The following FA2H variants were observed in gnomAD, a reference collection of about 807,000 sequenced individuals.
FA2H encodes the protein fatty acid alpha-hydroxylase.
A neutral mutation model predicts 44.9 loss-of-function variants in FA2H; 22 were observed. The observed-to-expected ratio is 0.49, with a 90% CI of 0.35 to 0.70. FA2H has a LOEUF of 0.70. Among genes scored for constraint, FA2H ranks in the 30% least tolerant of loss-of-function variants. FA2H has a pLI of 0.01. For missense variants in FA2H, 501 were observed against 504.9 expected (o/e 0.99, Z 0.07); for synonymous variants, 243 against 213.2 (o/e 1.14, Z -1.22).
Position 74,748,296 on chromosome 16 carries a change from C to A in FA2H, c.271-8181G>T, listed in dbSNP as rs530845323. ...CAAACCTTGTTCTATTCTGCACTTC[C>A]CCCACCCCCCACGTGGCAGCTGGAA... On this transcript the variant is annotated intron_variant, in intron 1 of 6. Transcript: ENST00000219368. Among the ~76,000 whole-genome samples, 157 of 152,314 alleles carry A rather than the reference C, an allele frequency of 1.0e-3. 1 individual carries two copies. The highest frequency in any genetic ancestry group is 1.6e-3 in the Non-Finnish European group (110 of 68,024).
At chr16:74,726,105 CA>C in intron 4 of FA2H, 119 bp downstream of exon 4, 1 of 735,676 alleles carries the variant, frequency 1.4e-6, no homozygotes, top group Non-Finnish European at 2.4e-6. Flanking sequence ...GAGGCTTCAC[CA>C]AAAATGTCTG....
chr16:74,739,190 G>A (rs190237104), intron 2 of FA2H, among the ~76,000 whole-genome samples: 7 of 152,294 alleles, frequency 4.6e-5, no homozygotes, highest in Admixed American at 1.3e-4. Context: ...CCTGCACCAG[G>A]CTGTGAGCTC....
intron 2 of FA2H, among the ~76,000 whole-genome samples, chr16:74,735,257 A>G (rs1962157886): frequency 6.6e-6 from 1 of 151,990 alleles, no homozygotes; most frequent in Non-Finnish European, 1.5e-5. Flanking sequence ...GATTCCTCAC[A>G]GCCAGCAGCG....
chr16:74,738,751 CCT>C (rs1170585577), intron 2 of FA2H, among the ~76,000 whole-genome samples: 2 of 151,116 alleles, frequency 1.3e-5, no homozygotes, highest in Non-Finnish European at 3.0e-5. Context: ...CCGATCTCCC[CCT>C]GTTCCAGACT....
intron 2 of FA2H, among the ~76,000 whole-genome samples, chr16:74,731,062 T>G (rs1050989995): frequency 5.3e-5 from 8 of 152,220 alleles, no homozygotes; most frequent in Non-Finnish European, 7.3e-5. Context: ...TACTTTTACT[T>G]TCAACCTGTG....
chr16:74,771,671 C>T (rs1962909684), intron 1 of FA2H, among the ~76,000 whole-genome samples: 1 of 152,068 alleles, frequency 6.6e-6, no homozygotes, highest in Non-Finnish European at 1.5e-5. Flanking sequence ...TTCTTCTAAA[C>T]CCTTCAGCAT....
intron 4 of FA2H, among the ~76,000 whole-genome samples, chr16:74,723,776 G>A (rs1292021113): frequency 1.3e-5 from 2 of 152,148 alleles, no homozygotes; most frequent in African/African-American, 2.4e-5. Flanking sequence ...GCTCAGCACC[G>A]CCTAGGTGTT....
intron 2 of FA2H, among the ~76,000 whole-genome samples, chr16:74,736,041 A>G (rs993004864): frequency 2.1e-5 from 3 of 145,690 alleles, no homozygotes; most frequent in African/African-American, 7.3e-5. Context: ...ACACTGTGGC[A>G]TCTCTTGCCT....
intron 1 of FA2H, among the ~76,000 whole-genome samples, chr16:74,751,188 G>T (rs1280939120): frequency 6.6e-6 from 1 of 152,182 alleles, no homozygotes; most frequent in East Asian, 1.9e-4. Context: ...TCTGCCTCCC[G>T]GGTTCAAGCG....
chr16:74,762,499 C>T (rs1962732862), intron 1 of FA2H, among the ~76,000 whole-genome samples: 1 of 152,104 alleles, frequency 6.6e-6, no homozygotes, highest in Non-Finnish European at 1.5e-5. Flanking sequence ...ACCCCTTGTC[C>T]TATGTCTATG....
chr16:74,742,212 G>C (rs960183026), intron 1 of FA2H, among the ~76,000 whole-genome samples: 2 of 152,192 alleles, frequency 1.3e-5, no homozygotes, highest in Non-Finnish European at 1.5e-5. Flanking sequence ...CCTGCCATGT[G>C]GTGGGCCTGG....
intron 1 of FA2H, among the ~76,000 whole-genome samples, chr16:74,769,759 G>A (rs1455459349): frequency 6.6e-6 from 1 of 152,178 alleles, no homozygotes; most frequent in Non-Finnish European, 1.5e-5. Context: ...GCTAACATGT[G>A]GCTGCAGCTG....
chr16:74,745,412 C>T (rs541286812), intron 1 of FA2H, among the ~76,000 whole-genome samples: 3 of 152,356 alleles, frequency 2.0e-5, no homozygotes, highest in Admixed American at 6.5e-5. Context: ...CCCTCCCCAA[C>T]CCCCTGCCCC....
chr16:74,735,235 C>A (rs558143517), intron 2 of FA2H, among the ~76,000 whole-genome samples: 2 of 152,290 alleles, frequency 1.3e-5, no homozygotes, highest in East Asian at 1.9e-4. Flanking sequence ...ACTTCCTCAG[C>A]ACAACGGCTG....
In FA2H at chr16:74,752,475, G is replaced by T. The variant is rs556282981; in HGVS notation, c.271-12360C>A. On this transcript the variant is annotated intron_variant, in intron 1 of 6. Transcript: ENST00000219368. ...CAGAGTCTCCTCTCGGTCCTGTCAT[G>T]CCTCAGGGCCTTTGCACCTGCTGTT... 3.3e-3 allele frequency among the ~76,000 whole-genome samples: 508 copies of T among 152,214 alleles called. 3 individuals are homozygous for T. Among genetic ancestry groups the T allele is most frequent in the African/African-American group, 0.012 (488 of 41,502 alleles).
chr16:74,761,507 A>G (rs1356391276), intron 1 of FA2H, among the ~76,000 whole-genome samples: 1 of 152,054 alleles, frequency 6.6e-6, no homozygotes, highest in Non-Finnish European at 1.5e-5. Flanking sequence ...ATCACTATAT[A>G]CACTTAAGGT....
chr16:74,728,334 G>A (rs1314597757), intron 2 of FA2H, among the ~76,000 whole-genome samples: 1 of 152,224 alleles, frequency 6.6e-6, no homozygotes, highest in African/African-American at 2.4e-5. Context: ...GGATAGTTTA[G>A]TGGAGATACA....
chr16:74,738,206 G>A (rs1030918914), intron 2 of FA2H, among the ~76,000 whole-genome samples: 2 of 152,172 alleles, frequency 1.3e-5, no homozygotes, highest in African/African-American at 4.8e-5. Flanking sequence ...GAGGAAGAGT[G>A]AGTGTGTAGA....
At chr16:74,773,049 T>A (rs1052498538) in intron 1 of FA2H, among the ~76,000 whole-genome samples, 1 of 152,086 alleles carries the variant, frequency 6.6e-6, no homozygotes, top group African/African-American at 2.4e-5. Flanking sequence ...CTAATTTTGG[T>A]ATTTTTTGTA....
Sources: gnomAD v4.1 joint callset for allele counts (sites outside exome capture counted in the v4.1 genomes callset) on GRCh38, gnomAD v4.1.1 for gene constraint, MANE v1.5 for transcripts, NCBI Gene and HGNC (gene_info 2026-07-23, HGNC 2026-07-21) for gene names.